CMYA5: variants seen among roughly 807,000 people sequenced by gnomAD.
CMYA5 encodes cardiomyopathy associated 5, also known as cardiomyopathy-associated protein 5.
CMYA5 carries 246 observed loss-of-function variants against 318.9 expected under a neutral mutation model. The ratio of observed to expected loss-of-function variants is 0.77; its 90% confidence interval spans 0.70 to 0.86. CMYA5 has a LOEUF of 0.86. Ranked by LOEUF, CMYA5 falls within the 40% of genes least tolerant of loss-of-function variation. The pLI is 0.00. For synonymous variants in CMYA5, 1,641 were observed against 1,729.5 expected (o/e 0.95, Z 1.27); for missense variants, 4,589 against 4,678.2 (o/e 0.98, Z 0.56).
intron 1 of CMYA5, among the ~76,000 whole-genome samples, chr5:79,691,424 G>T (rs1257220321): frequency 1.3e-5 from 2 of 152,216 alleles, no homozygotes; most frequent in Non-Finnish European, 2.9e-5. Context: ...GTGAGCAGCT[G>T]ACCATTCACT....
At position 79,743,816 on chromosome 5, in the gene CMYA5, C is replaced by A. The variant is rs1044401058; in HGVS notation, c.10639-11C>A. On this transcript the variant is annotated splice_polypyrimidine_tract_variant and intron_variant, in intron 2 of 12. Coordinates refer to ENST00000446378, the MANE Select transcript of CMYA5 (RefSeq NM_153610.5). Reference sequence around the variant, plus strand: ...GTCATATACTAAGGATATCTTAATTCTTTTCTTCAGGTTCAATTAGCAGAA... The same window carrying A: ...GTCATATACTAAGGATATCTTAATTATTTTCTTCAGGTTCAATTAGCAGAA... 2.8e-6 allele frequency: 4 copies of A among 1,434,102 alleles called. No individual in the cohort carries two copies. Among genetic ancestry groups the A allele is most frequent in the Non-Finnish European group, 3.8e-6 (4 of 1,047,190 alleles). 88.8% of individuals were successfully genotyped at this position (1,434,102 alleles called of 1,614,324 possible).
intron 1 of CMYA5, among the ~76,000 whole-genome samples, chr5:79,717,445 T>C (rs1233641950): frequency 6.6e-6 from 1 of 152,148 alleles, no homozygotes; most frequent in Non-Finnish European, 1.5e-5. Flanking sequence ...TTCCAGAAGT[T>C]CAGAGGCAGA....
At chr5:79,711,895 A>T (rs1278769767) in intron 1 of CMYA5, among the ~76,000 whole-genome samples, 1 of 152,206 alleles carries the variant, frequency 6.6e-6, no homozygotes, top group East Asian at 1.9e-4. Context: ...GAGAACGTGT[A>T]TGGTTGTTTT....
rs1195323492 is a variant in CMYA5 at position 79,747,224 on chromosome 5, G to A, written c.10991+111G>A. Reference sequence around the variant, plus strand: ...CTGCCAATTAAAAAATGCATTTAGTGGGCTACAGTATTTTCACTTTTAGAC... The same window carrying A: ...CTGCCAATTAAAAAATGCATTTAGTAGGCTACAGTATTTTCACTTTTAGAC... On this transcript the variant is annotated intron_variant, in intron 5 of 12. Transcript: ENST00000446378. 4.0e-6 allele frequency: 4 copies of A among 992,198 alleles called. No homozygotes were observed. The African/African-American group carries it at 5.0e-5, about 13-fold the overall frequency. The allele number at this position is 992,198 out of a possible 1,614,324, so 61.5% of individuals were successfully genotyped here. A position where few individuals can be genotyped will look rare whatever the true frequency, so the allele number is the denominator to read the frequency against.
intron 1 of CMYA5, among the ~76,000 whole-genome samples, chr5:79,697,851 A>G (rs1045982491): frequency 5.3e-5 from 8 of 152,210 alleles, no homozygotes; most frequent in South Asian, 2.1e-4. Flanking sequence ...CAGAAGCATC[A>G]AAGACCCAAA....
intron 9 of CMYA5, among the ~76,000 whole-genome samples, chr5:79,769,073 C>A (rs539256789): frequency 6.6e-6 from 1 of 151,706 alleles, no homozygotes; most frequent in African/African-American, 2.4e-5. Flanking sequence ...ACCTTTCTTC[C>A]GCTTGATTAA....
chr5:79,744,662 G>A (rs1373688787), intron 3 of CMYA5, among the ~76,000 whole-genome samples: 8 of 152,206 alleles, frequency 5.3e-5, no homozygotes, highest in Admixed American at 5.2e-4. Context: ...CCTTCCCCAG[G>A]TGTCCTTTTT....
chr5:79,715,302 T>TC (rs1238631575), intron 1 of CMYA5, among the ~76,000 whole-genome samples: 11 of 151,730 alleles, frequency 7.2e-5, no homozygotes, highest in Admixed American at 1.3e-4. Context: ...AATTTTTTTT[T>TC]TCTGTGACAG....
rs1828103788 is a variant in CMYA5 at position 79,737,546 on chromosome 5, T to A, written c.8781T>A (p.Phe2927Leu). ...ACACATATGCAAAAGGTGAAGACTTTACAGTGACTAGTAAGCCAGCCGGAC... is the reference window on the plus strand; with the variant it reads ...ACACATATGCAAAAGGTGAAGACTTAACAGTGACTAGTAAGCCAGCCGGAC... Reference protein sequence around the residue: ...PEDTYAKGEDFTVTSKPAGLS... With the variant: ...PEDTYAKGEDLTVTSKPAGLS... Residue 2927 changes from phenylalanine to leucine, a missense_variant, in exon 2 of 13, where the codon TTT (phenylalanine) becomes TTA (leucine). By Grantham distance (22) the Phe-to-Leu change is conservative. Transcript: ENST00000446378. 1 of 1,613,520 alleles carries A rather than the reference T, an allele frequency of 6.2e-7. No homozygotes were observed. The highest frequency in any genetic ancestry group is 1.3e-5 in the African/African-American group (1 of 74,898).
chr5:79,689,942 G>A lies in CMYA5; in HGVS notation c.35G>A (p.Ser12Asn). Residue 12 changes from serine to asparagine, a missense_variant, in exon 1 of 13, where the codon AGC (serine) becomes AAC (asparagine). By Grantham distance (46) the Ser-to-Asn change is conservative (BLOSUM62 1). Transcript: ENST00000446378. ...ASRDSNHAGE[S>N]FLGSDGDEEA... is the part of the protein sequence containing the mutation. ...CGCGATAGCAACCACGCTGGCGAGA[G>A]CTTTCTCGGCTCCGACGGGGACGAG... 1 of 1,031,060 alleles carries A rather than the reference G, an allele frequency of 9.7e-7. No individual in the cohort carries two copies. 63.9% of individuals were successfully genotyped at this position (1,031,060 alleles called of 1,614,324 possible).
At position 79,733,226 on chromosome 5, in the gene CMYA5, G is replaced by A; in HGVS notation, c.4461G>A (p.Glu1487=). 1 of 1,613,636 alleles carries A rather than the reference G, an allele frequency of 6.2e-7. No homozygotes were observed. The highest frequency in any genetic ancestry group is 8.5e-7 in the Non-Finnish European group (1 of 1,179,800). ...CTTCTCAGCATTCAGATAAATCTGA[G>A]GAAGCAAGGGTAGAAGACAAACAAG... ...TSSSQHSDKS[E]EARVEDKQDL... The change falls in exon 2 of 13, where the codon GAG becomes GAA. Residue 1487 remains glutamate, a synonymous_variant. Transcript: ENST00000446378.
chr5:79,756,338 C>T (rs1462662444), intron 6 of CMYA5, among the ~76,000 whole-genome samples: 3 of 152,060 alleles, frequency 2.0e-5, no homozygotes, highest in Non-Finnish European at 4.4e-5. Flanking sequence ...CTCCTTCAGC[C>T]CTCATCTTCA....
chr5:79,695,287 A>T (rs921965865), intron 1 of CMYA5, among the ~76,000 whole-genome samples: 1 of 152,248 alleles, frequency 6.6e-6, no homozygotes, highest in Non-Finnish European at 1.5e-5. Context: ...GGTGAGCCAC[A>T]TATTTAATTT....
intron 1 of CMYA5, among the ~76,000 whole-genome samples, chr5:79,710,233 A>G (rs1416173587): frequency 6.6e-6 from 1 of 152,098 alleles, no homozygotes; most frequent in Non-Finnish European, 1.5e-5. Flanking sequence ...GTGTTTTGGA[A>G]AATAACTTTT....
At position 79,736,507 on chromosome 5, in the gene CMYA5, G is replaced by C; in HGVS notation, c.7742G>C (p.Gly2581Ala). ...GATATCTCTTTAGGTCATTCTTTGG[G>C]TGAAACTCAATCATTTTCATTAGTT... ...ESDISLGHSL[G>A]ETQSFSLVKA... The change falls in exon 2 of 13, where the codon GGT (glycine) becomes GCT (alanine). Residue 2581 changes from glycine to alanine, a missense_variant. Physicochemically the swap from Gly to Ala is moderately conservative, Grantham distance 60. Coordinates refer to ENST00000446378, the MANE Select transcript of CMYA5 (RefSeq NM_153610.5). The C allele has an allele frequency of 6.2e-7, 1 of 1,612,830 alleles. No homozygotes were observed. The highest frequency in any genetic ancestry group is 8.5e-7 in the Non-Finnish European group (1 of 1,179,378).
chr5:79,723,593 C>T (rs969008737), intron 1 of CMYA5, among the ~76,000 whole-genome samples: 3 of 151,560 alleles, frequency 2.0e-5, no homozygotes, highest in African/African-American at 7.3e-5. Context: ...AGACTCCTGT[C>T]TCTACAAAAA....
At position 79,752,751 on chromosome 5, in the gene CMYA5, T is replaced by C; in HGVS notation, c.11067T>C (p.Asp3689=). Residue 3689 remains aspartate, a synonymous_variant, in exon 6 of 13, where the codon GAT becomes GAC. Coordinates refer to ENST00000446378, the MANE Select transcript of CMYA5 (RefSeq NM_153610.5). ...PAAFSLFEHY[D]DSSARSDQML... ...CGTTTTCCCTTTTCGAACATTATGA[T>C]GACAGCTCGGCAAGAAGTGACCAGA... The C allele has an allele frequency of 6.2e-7, 1 of 1,613,786 alleles. No homozygotes were observed.
chr5:79,795,775 G>A (rs2151101782), intron 12 of CMYA5, among the ~76,000 whole-genome samples: 1 of 152,300 alleles, frequency 6.6e-6, no homozygotes, highest in African/African-American at 2.4e-5. Context: ...TGGGCTGAGT[G>A]TGGGCCAGAG....
chr5:79,713,037 G>C (rs1580753039), intron 1 of CMYA5, among the ~76,000 whole-genome samples: 1 of 152,122 alleles, frequency 6.6e-6, no homozygotes, highest in East Asian at 1.9e-4. Flanking sequence ...TCCTTTGCTG[G>C]GAGTCCCAGG....
Sources: gnomAD v4.1 joint callset for allele counts (sites outside exome capture counted in the v4.1 genomes callset) on GRCh38, gnomAD v4.1.1 for gene constraint, MANE v1.5 for transcripts, NCBI Gene and HGNC (gene_info 2026-07-23, HGNC 2026-07-21) for gene names.